The following TMX1 variants were observed in gnomAD, a reference collection of about 807,000 sequenced individuals.
The protein encoded by TMX1 is thioredoxin-related transmembrane protein 1.
A neutral mutation model predicts 36.6 loss-of-function variants in TMX1; 25 were observed. That is an observed-to-expected ratio of 0.68 (90% CI 0.50 to 0.95). The LOEUF is 0.95. TMX1 is among the 40% of genes least tolerant of loss of function. The pLI, the probability that TMX1 is intolerant of heterozygous loss-of-function variation, is 0.00. For missense variants in TMX1, 347 were observed against 339.6 expected, an observed-to-expected ratio of 1.02 and a Z score of -0.17; for synonymous variants, 133 against 118.0, an observed-to-expected ratio of 1.13 and a Z score of -0.82.
At chr14:51,254,293 C>A in intron 7 of TMX1, 48 bp from the exon 8 acceptor site, 1 of 1,514,924 alleles carries the variant, frequency 6.6e-7, no homozygotes, top group South Asian at 1.4e-5. Context: ...TACTCTAAAG[C>A]AAATCTAATA....
intron 3 of TMX1, among the ~76,000 whole-genome samples, chr14:51,246,005 G>A (rs1566710379): frequency 6.6e-6 from 1 of 152,192 alleles, no homozygotes; most frequent in East Asian, 1.9e-4. Context: ...TAGCTGGTAG[G>A]TTAAATACCA....
chr14:51,243,093 TAAAAAAAA>T (rs34241507), intron 1 of TMX1, among the ~76,000 whole-genome samples: 1 of 138,190 alleles, frequency 7.2e-6, no homozygotes, highest in Non-Finnish European at 1.6e-5. Flanking sequence ...CTGGTTCTGT[TAAAAAAAA>T]AAAAAAAAAA....
At chr14:51,249,284 G>A (rs1476214161) in intron 4 of TMX1, 42 bp from the exon 5 acceptor site, 1 of 1,510,256 alleles carries the variant, frequency 6.6e-7, no homozygotes, top group African/African-American at 1.4e-5. Flanking sequence ...AGACAAATCT[G>A]TGTATGTTAC....
intron 7 of TMX1, among the ~76,000 whole-genome samples, chr14:51,251,420 C>G (rs183701479): frequency 2.6e-5 from 4 of 152,198 alleles, no homozygotes; most frequent in African/African-American, 9.6e-5. Context: ...GGGTATAACC[C>G]CATCATAAGT....
At chr14:51,252,875 C>T (rs1180282379) in intron 7 of TMX1, among the ~76,000 whole-genome samples, 1 of 152,168 alleles carries the variant, frequency 6.6e-6, no homozygotes, top group Admixed American at 6.5e-5. Context: ...CTGAGTTACT[C>T]AGTTCTCCAC....
chr14:51,254,468 T>C lies in TMX1; in HGVS notation c.792T>C (p.Asn264=). Residue 264 remains asparagine, a synonymous_variant, in exon 8 of 8, where the codon AAT becomes AAC. Coordinates refer to ENST00000457354, the MANE Select transcript of TMX1 (RefSeq NM_030755.5). ...KEGTNKDFPQ[N]AIRQRSLGPS... ...GAACAAACAAAGACTTTCCACAGAA[T>C]GCCATAAGACAACGCTCTCTGGGTC... 1 of 1,611,142 alleles carries C rather than the reference T, an allele frequency of 6.2e-7. No homozygotes were observed. The highest frequency in any genetic ancestry group is 8.5e-7 in the Non-Finnish European group (1 of 1,179,014).
intron 1 of TMX1, 91 bp from the exon 2 acceptor site, chr14:51,243,765 T>C (rs1308277687): frequency 1.1e-6 from 1 of 878,822 alleles, no homozygotes; most frequent in Non-Finnish European, 1.6e-6. Context: ...GAAATATTCT[T>C]CATAAATTAT....
intron 3 of TMX1, chr14:51,245,603 G>A (rs932073029): frequency 6.0e-5 from 53 of 882,122 alleles, no homozygotes; most frequent in Admixed American, 1.3e-4. Context: ...TTGTGAAATG[G>A]TGTGATCCTG....
Position 51,243,577 on chromosome 14 carries a change from G to A in TMX1, c.153-279G>A, listed in dbSNP as rs138608669. Among the ~76,000 whole-genome samples, 410 of 152,250 alleles carry A rather than the reference G, an allele frequency of 2.7e-3. 1 individual carries two copies. The highest frequency in any genetic ancestry group is 0.013 in the South Asian group (62 of 4,826). ...GTGGCCACACCGTTAATAGAGAAAT[G>A]CAAAAGTTTTCTAAAGAGCTGTTTT... On this transcript the variant is annotated intron_variant, in intron 1 of 7. Transcript: ENST00000457354.
chr14:51,246,139 T>A (rs986532448), intron 3 of TMX1, among the ~76,000 whole-genome samples: 2 of 152,170 alleles, frequency 1.3e-5, no homozygotes, highest in Non-Finnish European at 2.9e-5. Context: ...AAATTTCTGT[T>A]CGCTGTCTCC....
At chr14:51,246,124 T>C (rs1370563129) in intron 3 of TMX1, among the ~76,000 whole-genome samples, 1 of 152,184 alleles carries the variant, frequency 6.6e-6, no homozygotes, top group African/African-American at 2.4e-5. Context: ...CCTTTACATC[T>C]ATATAAATTT....
At chr14:51,244,591 C>T (rs897668299) in intron 2 of TMX1, among the ~76,000 whole-genome samples, 5 of 152,044 alleles carry the variant, frequency 3.3e-5, no homozygotes, top group Non-Finnish European at 4.4e-5. Context: ...TAAGGAGGTT[C>T]CTTCCACAGA....
At chr14:51,249,842 C>G in intron 7 of TMX1, 77 bp downstream of exon 7, 1 of 1,158,494 alleles carries the variant, frequency 8.6e-7, no homozygotes, top group Non-Finnish European at 1.2e-6. Context: ...ACACATTTCA[C>G]AGGTTGCTCT....
At chr14:51,242,345 CGT>C (rs1282808598) in intron 1 of TMX1, among the ~76,000 whole-genome samples, 2 of 151,984 alleles carry the variant, frequency 1.3e-5, no homozygotes, top group African/African-American at 2.4e-5. Context: ...CAATAGTGAT[CGT>C]GTGTGTATAT....
In TMX1 at chr14:51,240,302, T is replaced by C. The variant is rs773212555; in HGVS notation, c.10T>C (p.Ser4Pro). ...GTGGGCAAGCGGCGAAATGGCGCCC[T>C]CCGGGAGTCTTGCAGTTCCCCTGGC... MAP[S>P]GSLAVPLAVL... Residue 4 changes from serine (S) to proline (P), a missense_variant, in exon 1 of 8, where the codon TCC becomes CCC. Physicochemically the swap from Ser to Pro is moderately conservative, Grantham distance 74 (BLOSUM62 -1). Transcript: ENST00000457354. The C allele has an allele frequency of 8.7e-6, 14 of 1,611,410 alleles. No individual in the cohort carries two copies. In the African/African-American group the frequency reaches 1.3e-4, roughly 15 times the overall value.
intron 4 of TMX1, among the ~76,000 whole-genome samples, chr14:51,248,262 G>A (rs1473514415): frequency 1.3e-5 from 2 of 152,182 alleles, no homozygotes; most frequent in Non-Finnish European, 2.9e-5. Flanking sequence ...TTTTGCTGAG[G>A]TCACCATGGA....
At chr14:51,250,993 A>G (rs544540046) in intron 7 of TMX1, among the ~76,000 whole-genome samples, 1 of 152,364 alleles carries the variant, frequency 6.6e-6, no homozygotes, top group East Asian at 1.9e-4. Flanking sequence ...TAGGAAAAAA[A>G]CGTAAGCACA....
chr14:51,247,061 C>G, intron 3 of TMX1, 31 bp from the exon 4 acceptor site: 1 of 1,573,968 alleles, frequency 6.4e-7, no homozygotes, highest in Non-Finnish European at 8.6e-7. Flanking sequence ...TTTCTCAGTG[C>G]TGGATAATAT....
At chr14:51,249,621 T>C (rs2065802539) in intron 6 of TMX1, 52 bp downstream of exon 6, 1 of 1,589,024 alleles carries the variant, frequency 6.3e-7, no homozygotes, top group Admixed American at 1.7e-5. Context: ...AAAAATGTGA[T>C]TATTTAAAAT....
Sources: allele counts gnomAD v4.1 joint callset (sites outside exome capture counted in the v4.1 genomes callset), GRCh38; gene constraint gnomAD v4.1.1; transcripts MANE v1.5; gene names NCBI Gene and HGNC (gene_info 2026-07-23, HGNC 2026-07-21).